SHC2: variants seen among roughly 807,000 people sequenced by gnomAD.
SHC2 encodes SHC-transforming protein 2.
SHC2 carries 62 observed loss-of-function variants against 60.6 expected under a neutral mutation model. The observed-to-expected ratio is 1.02, with a 90% confidence interval of 0.83 to 1.26. The LOEUF (loss-of-function observed/expected upper bound fraction) is 1.26, where lower values mean the gene tolerates loss of function less well. SHC2 is among the 50% of genes most tolerant of loss of function. SHC2 has a pLI of 0.00. For missense variants in SHC2, 873 were observed against 822.2 expected, an observed-to-expected ratio of 1.06 and a Z score of -0.76; for synonymous variants, 375 against 372.4, an observed-to-expected ratio of 1.01 and a Z score of -0.08.
Position 438,943 on chromosome 19 carries a change from C to A in SHC2, c.600+27G>T. 1.3e-6 allele frequency: 2 copies of A among 1,587,260 alleles called. No individual in the cohort carries two copies. The highest frequency in any genetic ancestry group is 1.7e-6 in the Non-Finnish European group (2 of 1,167,050). On this transcript the variant is annotated intron_variant, in intron 3 of 12. Coordinates refer to ENST00000264554, the MANE Select transcript of SHC2 (RefSeq NM_012435.3). The surrounding 1 kb of genome is among the most constrained non-coding windows in gnomAD (Gnocchi z 5.0). Reference sequence around the variant, plus strand: ...ACAGCCCCCGACTGCCCCACCAGCCCCACGAGAGACCACAAGCCTCACTCA... The same window carrying A: ...ACAGCCCCCGACTGCCCCACCAGCCACACGAGAGACCACAAGCCTCACTCA...
At chr19:460,015 A>T (rs1290463533) in intron 1 of SHC2, among the ~76,000 whole-genome samples, 1 of 152,200 alleles carries the variant, frequency 6.6e-6, no homozygotes, top group Non-Finnish European at 1.5e-5. Flanking sequence ...TTCATTTATC[A>T]TAAGACCCAA....
Position 455,740 on chromosome 19 carries a change from G to A in SHC2, c.468+4789C>T, listed in dbSNP as rs531825581. On this transcript the variant is annotated intron_variant, in intron 1 of 12. Coordinates refer to ENST00000264554, the MANE Select transcript of SHC2 (RefSeq NM_012435.3). ...GCAGAGTTGGTTCCCAATCTGCTCC[G>A]CCTTTCCCAGCGTCCTGAGGGGCCC... Among the ~76,000 whole-genome samples, 9 of 152,276 alleles carry A rather than the reference G, an allele frequency of 5.9e-5. No individual in the cohort carries two copies. The East Asian group carries it at 9.7e-4, about 16-fold the overall frequency.
At chr19:429,894 T>C (rs1974528860) in intron 9 of SHC2, among the ~76,000 whole-genome samples, 1 of 143,930 alleles carries the variant, frequency 6.9e-6, no homozygotes, top group African/African-American at 2.6e-5. Context: ...ATATCCAACG[T>C]GCAGAGAAAC....
Position 422,456 on chromosome 19 carries a change from C to T in SHC2, c.1310G>A (p.Arg437Gln). 6.5e-7 allele frequency: 1 copy of T among 1,536,598 alleles called. No individual in the cohort carries two copies. The highest frequency in any genetic ancestry group is 1.3e-5 in the South Asian group (1 of 78,952). Residue 437 changes from arginine to glutamine, a missense_variant and splice_region_variant, in exon 11 of 13, where the codon CGA becomes CAA. Physicochemically the swap from Arg to Gln is conservative, Grantham distance 43. Transcript: ENST00000264554. This position sits in a 1 kb window ranked among gnomAD's most constrained non-coding sequence, Gnocchi z 5.0. The stretch of plus-strand genomic sequence containing the variant: ...CAACTTCAGGGCATCCTCAAAGGGT[C>T]CTGCAGGCCAGGGACAGGAGTGCTG... ...DSPKKDLFDM[R>Q]PFEDALKLHE...
At chr19:449,817 T>C (rs897378354) in intron 1 of SHC2, among the ~76,000 whole-genome samples, 3 of 152,196 alleles carry the variant, frequency 2.0e-5, no homozygotes, top group Admixed American at 6.5e-5. Context: ...AAGATGTTAA[T>C]AATCGGCCAG....
intron 9 of SHC2, among the ~76,000 whole-genome samples, chr19:429,223 T>A (rs967833929): frequency 7.5e-6 from 1 of 134,008 alleles, no homozygotes; most frequent in Non-Finnish European, 1.6e-5. Flanking sequence ...AGAAACCTAA[T>A]ACCGTGTGGA....
chr19:443,882 GTGGATGGGTGGGTGGATGGA>G lies in SHC2; in HGVS notation c.469-2970_469-2951del, dbSNP rs1188813234. 2.2e-3 allele frequency among the ~76,000 whole-genome samples: 272 copies of G among 125,076 alleles called. 2 individuals are homozygous for G. Among genetic ancestry groups the G allele is most frequent in the African/African-American group, 7.7e-3 (255 of 33,074 alleles). The allele number at this position is 125,076 out of a possible 152,430, so 82.1% of individuals were successfully genotyped here. ...GATGGATGGGTGGATGGATGTGTAG[GTGGATGGGTGGGTGGATGGA>G]TGGATGGGTGGGTGGATGGATGGAT... On this transcript the variant is annotated intron_variant, in intron 1 of 12. Transcript: ENST00000264554.
rs113146028 is a variant in SHC2 at position 447,201 on chromosome 19, C to T, written c.469-6269G>A. Among the ~76,000 whole-genome samples, 694 of 151,750 alleles carry T rather than the reference C, an allele frequency of 4.6e-3. 2 individuals carry two copies. Among genetic ancestry groups the T allele is most frequent in the Non-Finnish European group, 7.1e-3 (484 of 67,976 alleles). ...TGGCACGGACGCACCGTGAGGACGCCGGACAGGAAAGGCCACACAGCGTGT... is the reference window on the plus strand; with the variant it reads ...TGGCACGGACGCACCGTGAGGACGCTGGACAGGAAAGGCCACACAGCGTGT... On this transcript the variant is annotated intron_variant, in intron 1 of 12. Transcript: ENST00000264554.
At chr19:436,815 G>T in intron 4 of SHC2, 132 bp from the exon 5 acceptor site, 1 of 872,320 alleles carries the variant, frequency 1.1e-6, no homozygotes, top group Non-Finnish European at 1.8e-6. Flanking sequence ...CTCCTGGACA[G>T]GCACCCACTG....
intron 9 of SHC2, among the ~76,000 whole-genome samples, chr19:427,909 G>A (rs1345714163): frequency 6.7e-6 from 1 of 149,354 alleles, no homozygotes; most frequent in African/African-American, 2.5e-5. Flanking sequence ...CGCAGGGAAG[G>A]GGGAACTGCA....
At position 422,703 on chromosome 19, in the gene SHC2, G is replaced by T. The variant is rs886241597; in HGVS notation, c.1310-247C>A. On this transcript the variant is annotated intron_variant, in intron 10 of 12. Coordinates refer to ENST00000264554, the MANE Select transcript of SHC2 (RefSeq NM_012435.3). The surrounding 1 kb of genome is among the most constrained non-coding windows in gnomAD (Gnocchi z 5.0). ...GGCACGTACTAAGCATGTACAAAGGGTAACAGCAGCTCTTTCTTTCAGAGG... is the reference window on the plus strand; with the variant it reads ...GGCACGTACTAAGCATGTACAAAGGTTAACAGCAGCTCTTTCTTTCAGAGG... 11 of 435,870 alleles carry T rather than the reference G, an allele frequency of 2.5e-5. No individual in the cohort carries two copies. The East Asian group carries it at 3.9e-4, about 16-fold the overall frequency. 27.0% of individuals were successfully genotyped at this position (435,870 alleles called of 1,614,324 possible).
At chr19:449,622 A>G (rs994308143) in intron 1 of SHC2, among the ~76,000 whole-genome samples, 2 of 151,944 alleles carry the variant, frequency 1.3e-5, no homozygotes, top group Non-Finnish European at 2.9e-5. Context: ...TTCATCAATA[A>G]TAACGACAGT....
At chr19:443,604 G>A (rs1457367288) in intron 1 of SHC2, among the ~76,000 whole-genome samples, 15 of 145,114 alleles carry the variant, frequency 1.0e-4, no homozygotes, top group Admixed American at 7.6e-4. Flanking sequence ...ATGGATGGAC[G>A]GGTGAGTGGA....
chr19:418,649 G>A (rs988283029), intron 12 of SHC2, among the ~76,000 whole-genome samples: 1 of 152,202 alleles, frequency 6.6e-6, no homozygotes, highest in Non-Finnish European at 1.5e-5. Flanking sequence ...AAATGTCCAG[G>A]ACAGGCCCAT....
At position 440,161 on chromosome 19, in the gene SHC2, A is replaced by G. The variant is rs1974828976; in HGVS notation, c.539+701T>C. ...GTGATCCCATTGCTATGAAATGTCC[A>G]GGACAGGCCGATCCACAGAGACAGG... On this transcript the variant is annotated intron_variant, in intron 2 of 12. Coordinates refer to ENST00000264554, the MANE Select transcript of SHC2 (RefSeq NM_012435.3). This position sits in a 1 kb window ranked among gnomAD's most constrained non-coding sequence, Gnocchi z 7.0. 1.3e-5 allele frequency among the ~76,000 whole-genome samples: 2 copies of G among 150,714 alleles called. No individual in the cohort carries two copies. Among genetic ancestry groups the G allele is most frequent in the South Asian group, 4.2e-4 (2 of 4,722 alleles).
chr19:438,799 G>A lies in SHC2; in HGVS notation c.639C>T (p.Ser213=). 1.3e-6 allele frequency: 2 copies of A among 1,575,720 alleles called. No individual in the cohort carries two copies. The highest frequency in any genetic ancestry group is 1.7e-6 in the Non-Finnish European group (2 of 1,161,962). ...NKALASVLGK[S]NLRFAGMSIS... ...TGCTCATGCCGGCAAAGCGAAGGTTGCTCTTGCCCAGGACGGACGCCAGGG... is the reference window on the plus strand; with the variant it reads ...TGCTCATGCCGGCAAAGCGAAGGTTACTCTTGCCCAGGACGGACGCCAGGG... The change falls in exon 4 of 13, where the codon AGC becomes AGT. Residue 213 remains serine (S), a synonymous_variant. Transcript: ENST00000264554. The surrounding 1 kb of genome is among the most constrained non-coding windows in gnomAD (Gnocchi z 5.0).
chr19:417,653 C>G (rs977867276), intron 12 of SHC2, among the ~76,000 whole-genome samples: 2 of 152,250 alleles, frequency 1.3e-5, no homozygotes, highest in African/African-American at 4.8e-5. Context: ...TACTGCCTTC[C>G]AGGTTATTTC....
At chr19:443,223 T>C in intron 1 of SHC2, among the ~76,000 whole-genome samples, 1 of 148,080 alleles carries the variant, frequency 6.8e-6, no homozygotes. Context: ...GATGGGTGAA[T>C]GGATGGACAG....
intron 11 of SHC2, among the ~76,000 whole-genome samples, 195 bp downstream of exon 11, chr19:421,951 G>A (rs375759112): frequency 6.6e-6 from 1 of 152,154 alleles, no homozygotes. Context: ...ACAGTAGCTG[G>A]TCAAAGGCAA....
Sources: allele counts gnomAD v4.1 joint callset (sites outside exome capture counted in the v4.1 genomes callset), GRCh38; gene constraint gnomAD v4.1.1; non-coding constraint Gnocchi (gnomAD v3.1); transcripts MANE v1.5; gene names NCBI Gene and HGNC (gene_info 2026-07-23, HGNC 2026-07-21).